Variants in TEX29 observed in about 807,000 individuals in gnomAD.
TEX29 encodes testis expressed 29, also known as testis-expressed protein 29.
A neutral mutation model predicts 18.2 loss-of-function variants in TEX29; 26 were observed. The ratio of observed to expected loss-of-function variants is 1.43; its 90% CI spans 1.04 to 1.98. TEX29 has a LOEUF of 1.98. Ranked by LOEUF, TEX29 falls within the 30% of genes most tolerant of loss-of-function variation. The pLI is 0.00. For missense variants in TEX29, 177 were observed against 194.2 expected (o/e 0.91, Z 0.53); for synonymous variants, 83 against 78.5 (o/e 1.06, Z -0.31).
chr13:111,343,993 T>C, intron 5 of TEX29, 90 bp from the exon 6 acceptor site: 6 of 1,090,940 alleles, frequency 5.5e-6, no homozygotes, highest in African/African-American at 4.7e-5. Context: ...TCAGACACCA[T>C]GTAGATGGGT....
chr13:111,328,194 C>G lies in TEX29; in HGVS notation c.70C>G (p.Pro24Ala). Residue 24 changes from proline to alanine, a missense_variant, in exon 3 of 6, where the codon CCT (proline) becomes GCT (alanine). Transcript: ENST00000283547. Reference sequence around the variant, plus strand: ...CTGTGCTTTTGCAGTGTGTGACGTTCCTCTGTATGACATTTGTGACTACAA... The same window carrying G: ...CTGTGCTTTTGCAGTGTGTGACGTTGCTCTGTATGACATTTGTGACTACAA... ...LLKQFTVCDV[P>A]LYDICDYNVS... is the part of the protein sequence containing the mutation. The G allele has an allele frequency of 6.2e-7, 1 of 1,610,194 alleles. No individual in the cohort carries two copies. The highest frequency in any genetic ancestry group is 8.5e-7 in the Non-Finnish European group (1 of 1,177,346).
upstream of TEX29, chr13:111,316,258 G>C (rs778073039): frequency 2.0e-6 from 1 of 500,382 alleles, no homozygotes; most frequent in Non-Finnish European, 4.0e-6. Context: ...TGCAGGCTCA[G>C]TAAGTATCTG....
At chr13:111,323,582 CA>C (rs2093668182) in intron 2 of TEX29, among the ~76,000 whole-genome samples, 1 of 152,246 alleles carries the variant, frequency 6.6e-6, no homozygotes, top group African/African-American at 2.4e-5. Context: ...GCTTCTTCTC[CA>C]CAGGCTCGGG....
chr13:111,323,995 A>G (rs2093668823), intron 2 of TEX29, among the ~76,000 whole-genome samples: 1 of 152,114 alleles, frequency 6.6e-6, no homozygotes, highest in East Asian at 1.9e-4. Flanking sequence ...AGGTTCAGAG[A>G]TTTTTATGTT....
At chr13:111,318,728 TCTGC>T (rs1223729708), upstream of TEX29, among the ~76,000 whole-genome samples, 5 of 152,196 alleles carry the variant, frequency 3.3e-5, no homozygotes, top group Non-Finnish European at 7.3e-5. Context: ...AAGCAGTGTC[TCTGC>T]CTGGGAGCCT....
upstream of TEX29, among the ~76,000 whole-genome samples, chr13:111,316,429 A>G (rs2093654845): frequency 6.6e-6 from 1 of 152,212 alleles, no homozygotes; most frequent in African/African-American, 2.4e-5. Context: ...TGCTTCCTGG[A>G]AGGAGTTCTG....
intron 5 of TEX29, among the ~76,000 whole-genome samples, chr13:111,343,610 C>T (rs2153642250): frequency 6.6e-6 from 1 of 152,318 alleles, no homozygotes; most frequent in East Asian, 1.9e-4. Context: ...CAGCACCTTG[C>T]CAGGTTAGAG....
chr13:111,339,673 C>T lies in TEX29; in HGVS notation c.170-190C>T, dbSNP rs931338060. 6.2e-5 allele frequency among the ~76,000 whole-genome samples: 9 copies of T among 144,692 alleles called. No individual in the cohort carries two copies. The East Asian group carries it at 7.0e-4, about 11-fold the overall frequency. The allele number at this position is 144,692 out of a possible 152,430, so 94.9% of individuals were successfully genotyped here. ...TTCACAGGGAGCCCTCGCCTGCCTG[C>T]GGGGGCCTTTGGAGATGTCCACAGA... On this transcript the variant is annotated intron_variant, in intron 3 of 5. Transcript: ENST00000283547.
chr13:111,317,802 T>C (rs1346132889), upstream of TEX29, among the ~76,000 whole-genome samples: 1 of 152,166 alleles, frequency 6.6e-6, no homozygotes, highest in Non-Finnish European at 1.5e-5. Flanking sequence ...CAGTCCTCCG[T>C]GTTCCGGGGC....
intron 2 of TEX29, among the ~76,000 whole-genome samples, chr13:111,323,853 A>G (rs549148645): frequency 1.3e-5 from 2 of 152,284 alleles, no homozygotes; most frequent in Admixed American, 6.5e-5. Context: ...ATCCCTGCCC[A>G]GCTTCCTCCT....
At chr13:111,327,601 A>C (rs1228618988) in intron 2 of TEX29, among the ~76,000 whole-genome samples, 1 of 152,182 alleles carries the variant, frequency 6.6e-6, no homozygotes, top group Non-Finnish European at 1.5e-5. Context: ...TCGGGGCTGA[A>C]CATGTGTGAG....
chr13:111,339,862 G>C lies in TEX29; in HGVS notation c.170-1G>C. On this transcript the variant is annotated splice_acceptor_variant, in intron 3 of 5. Transcript: ENST00000283547. LOFTEE classifies it high-confidence loss of function. ...TGACTTCAAATCCCACCATTTTTCA[G>C]TTTACATCCACGTGTTCTCTGCCTT... 6.2e-7 allele frequency: 1 copy of C among 1,613,500 alleles called. No individual in the cohort carries two copies. The highest frequency in any genetic ancestry group is 1.1e-5 in the South Asian group (1 of 91,078).
At chr13:111,319,339 T>A (rs549623882), upstream of TEX29, among the ~76,000 whole-genome samples, 4 of 152,264 alleles carry the variant, frequency 2.6e-5, no homozygotes, top group South Asian at 8.3e-4. Context: ...CACAGACGAA[T>A]GACTAAGCGA....
upstream of TEX29, among the ~76,000 whole-genome samples, chr13:111,318,020 G>C (rs187413333): frequency 6.6e-6 from 1 of 152,276 alleles, no homozygotes; most frequent in East Asian, 1.9e-4. Flanking sequence ...CTCATCCTTA[G>C]GTCCTAGGGG....
intron 3 of TEX29, among the ~76,000 whole-genome samples, chr13:111,328,868 C>G (rs74126339): frequency 0.045 from 6,789 of 152,246 alleles, 457 homozygotes; most frequent in African/African-American, 0.15. Flanking sequence ...GTAAGGGCGC[C>G]GGAGGCGTTG....
At chr13:111,332,376 T>C (rs2093683970) in intron 3 of TEX29, among the ~76,000 whole-genome samples, 1 of 152,204 alleles carries the variant, frequency 6.6e-6, no homozygotes, top group South Asian at 2.1e-4. Flanking sequence ...TTGATTTTTG[T>C]ATGCTGATCT....
intron 3 of TEX29, among the ~76,000 whole-genome samples, chr13:111,332,424 A>G (rs1473018347): frequency 6.6e-6 from 1 of 152,080 alleles, no homozygotes; most frequent in Admixed American, 6.6e-5. Context: ...TCATTCTATT[A>G]GTTTTCTAGT....
chr13:111,325,269 C>T (rs1021806784), intron 2 of TEX29, among the ~76,000 whole-genome samples: 20 of 152,256 alleles, frequency 1.3e-4, no homozygotes, highest in South Asian at 2.1e-4. Context: ...TTCCCAGCCA[C>T]GCTGTCATGA....
intron 3 of TEX29, among the ~76,000 whole-genome samples, chr13:111,336,415 A>G (rs532431344): frequency 6.6e-6 from 1 of 152,362 alleles, no homozygotes; most frequent in Non-Finnish European, 1.5e-5. Flanking sequence ...ATTCCATGTT[A>G]TGAAAACCTT....
Sources: gnomAD v4.1 joint callset for allele counts (sites outside exome capture counted in the v4.1 genomes callset) on GRCh38, gnomAD v4.1.1 for gene constraint, MANE v1.5 for transcripts, NCBI Gene and HGNC (gene_info 2026-07-23, HGNC 2026-07-21) for gene names.